GRIK2: variants seen among roughly 807,000 people sequenced by gnomAD.
GRIK2 encodes the protein glutamate receptor ionotropic, kainate 2.
Under a neutral mutation model 100.3 loss-of-function variants are expected in GRIK2, and 32 were observed. The ratio of observed to expected loss-of-function variants is 0.32; its 90% CI spans 0.24 to 0.43. GRIK2 has a LOEUF of 0.43. GRIK2 is among the 20% of genes least tolerant of loss of function. The pLI, the probability that GRIK2 is intolerant of heterozygous loss-of-function variation, is 1.00. For missense variants in GRIK2, 843 were observed against 1,114.9 expected (o/e 0.76, Z 3.47); for synonymous variants, 417 against 389.4 (o/e 1.07, Z -0.83).
chr6:101,678,105 C>T (rs1770974529), intron 5 of GRIK2, among the ~76,000 whole-genome samples: 1 of 152,022 alleles, frequency 6.6e-6, no homozygotes, highest in Non-Finnish European at 1.5e-5. Context: ...TTCCTTTACT[C>T]CTGGAGTGAG....
chr6:101,719,347 G>A (rs1479248142), intron 7 of GRIK2, among the ~76,000 whole-genome samples: 2 of 151,746 alleles, frequency 1.3e-5, no homozygotes, highest in Non-Finnish European at 2.9e-5. Flanking sequence ...GAGCAGAGGA[G>A]TTGTTAACAA....
chr6:101,792,497 G>A (rs915523257), intron 7 of GRIK2, among the ~76,000 whole-genome samples: 5 of 151,686 alleles, frequency 3.3e-5, no homozygotes, highest in Non-Finnish European at 5.9e-5. Context: ...GAAATTCTGG[G>A]TTGAAAATTC....
chr6:101,740,270 T>G (rs1775935917), intron 7 of GRIK2, among the ~76,000 whole-genome samples: 1 of 152,170 alleles, frequency 6.6e-6, no homozygotes, highest in South Asian at 2.1e-4. Flanking sequence ...TGTTTCTGAG[T>G]GGTTCTTTGG....
chr6:101,813,348 G>T (rs1163088839), intron 9 of GRIK2, among the ~76,000 whole-genome samples: 1 of 151,978 alleles, frequency 6.6e-6, no homozygotes, highest in East Asian at 1.9e-4. Flanking sequence ...TGATATAATA[G>T]GTCTTCATTT....
chr6:101,979,059 G>A (rs1223054), intron 14 of GRIK2, among the ~76,000 whole-genome samples: 102,241 of 151,762 alleles, frequency 0.67, 36,052 homozygotes, highest in South Asian at 0.79. Flanking sequence ...CATATAAACC[G>A]TTTTTTGCAT....
intron 1 of GRIK2, among the ~76,000 whole-genome samples, chr6:101,395,339 C>T (rs560143561): frequency 3.9e-5 from 6 of 152,240 alleles, no homozygotes; most frequent in South Asian, 4.1e-4. Flanking sequence ...GCAGGACTTC[C>T]GTGACAAGTC....
At chr6:101,823,862 G>GGT (rs1782123772) in intron 10 of GRIK2, among the ~76,000 whole-genome samples, 1 of 130,408 alleles carries the variant, frequency 7.7e-6, no homozygotes, top group Admixed American at 7.8e-5. Context: ...AGTAAGTTCT[G>GGT]TTTTTTTTTT....
chr6:101,696,477 A>G (rs1448837491), intron 7 of GRIK2, among the ~76,000 whole-genome samples: 2 of 151,974 alleles, frequency 1.3e-5, no homozygotes, highest in African/African-American at 2.4e-5. Context: ...AAATAAGAGT[A>G]TATGCATATA....
intron 14 of GRIK2, among the ~76,000 whole-genome samples, chr6:101,971,611 A>G (rs144810895): frequency 6.6e-6 from 1 of 152,054 alleles, no homozygotes; most frequent in African/African-American, 2.4e-5. Context: ...GATCTGTTAC[A>G]TGGGTATATT....
intron 11 of GRIK2, among the ~76,000 whole-genome samples, chr6:101,869,700 T>G (rs901317881): frequency 6.6e-6 from 1 of 151,828 alleles, no homozygotes; most frequent in Admixed American, 6.6e-5. Context: ...TTTATTTGCC[T>G]TTTTTCGAAT....
intron 10 of GRIK2, among the ~76,000 whole-genome samples, chr6:101,846,512 G>A (rs984932011): frequency 1.3e-5 from 2 of 152,014 alleles, no homozygotes; most frequent in Admixed American, 1.3e-4. Context: ...TTTAGTATCA[G>A]GGTAGTGTTG....
chr6:101,502,147 G>C (rs1036767548), intron 2 of GRIK2, among the ~76,000 whole-genome samples: 2 of 152,092 alleles, frequency 1.3e-5, no homozygotes, highest in African/African-American at 2.4e-5. Flanking sequence ...TAATGAAATT[G>C]ATATAGGGAA....
At chr6:101,676,862 ATCT>A (rs1469033388) in intron 5 of GRIK2, 58 bp downstream of exon 5, 7 of 950,482 alleles carry the variant, frequency 7.4e-6, no homozygotes, top group South Asian at 3.2e-5. Context: ...TTACAATATG[ATCT>A]TCTTTTAAAT....
intron 10 of GRIK2, among the ~76,000 whole-genome samples, chr6:101,857,654 G>A (rs1010572598): frequency 3.3e-5 from 5 of 152,158 alleles, no homozygotes; most frequent in Admixed American, 3.3e-4. Context: ...AGATAACAGG[G>A]GCTTTGCCCA....
chr6:101,623,540 A>G (rs778998227), intron 3 of GRIK2, among the ~76,000 whole-genome samples: 3 of 152,128 alleles, frequency 2.0e-5, no homozygotes, highest in Non-Finnish European at 4.4e-5. Flanking sequence ...AATATGGAGT[A>G]TGAGTGCAGT....
In GRIK2 at chr6:101,514,494, C is replaced by A. The variant is rs906948759; in HGVS notation, c.116-107455C>A. Among the ~76,000 whole-genome samples, 5 of 152,096 alleles carry A rather than the reference C, an allele frequency of 3.3e-5. No individual in the cohort carries two copies. The East Asian group carries it at 5.8e-4, about 18-fold the overall frequency. ...CTTAAATATTATTTTTTAAAGAACTCATTTAATGTTAAACTTATAATTTCT... is the reference window on the plus strand; with the variant it reads ...CTTAAATATTATTTTTTAAAGAACTAATTTAATGTTAAACTTATAATTTCT... On this transcript the variant is annotated intron_variant, in intron 2 of 16. Transcript: ENST00000369134.
At chr6:101,996,578 G>A (rs139545799) in intron 14 of GRIK2, among the ~76,000 whole-genome samples, 2 of 152,192 alleles carry the variant, frequency 1.3e-5, no homozygotes, top group Admixed American at 6.6e-5. Flanking sequence ...TGGACAAAAT[G>A]TGTATTTTTT....
intron 12 of GRIK2, among the ~76,000 whole-genome samples, chr6:101,905,471 G>GTTGT (rs992661540): frequency 6.6e-6 from 1 of 151,488 alleles, no homozygotes; most frequent in Non-Finnish European, 1.5e-5. Flanking sequence ...TTGACCAAGT[G>GTTGT]TTGTTTGTTT....
At chr6:101,601,462 G>A (rs1040608852) in intron 2 of GRIK2, among the ~76,000 whole-genome samples, 1 of 151,912 alleles carries the variant, frequency 6.6e-6, no homozygotes, top group Non-Finnish European at 1.5e-5. Context: ...ATAAGTTATG[G>A]AGGAATCCCT....
Sources: gnomAD v4.1 joint callset for allele counts (sites outside exome capture counted in the v4.1 genomes callset) on GRCh38, gnomAD v4.1.1 for gene constraint, MANE v1.5 for transcripts, NCBI Gene and HGNC (gene_info 2026-07-23, HGNC 2026-07-21) for gene names.